Variants in DAPK1 observed in about 807,000 individuals in gnomAD.
DAPK1 encodes death associated protein kinase 1, also known as death-associated protein kinase 1.
DAPK1 carries 56 observed loss-of-function variants against 144.9 expected under a neutral mutation model. That is an observed-to-expected ratio of 0.39 (90% CI 0.31 to 0.48). The LOEUF is 0.48. Among genes scored for constraint, DAPK1 ranks in the 20% least tolerant of loss-of-function variants. The pLI, the probability that DAPK1 is intolerant of heterozygous loss-of-function variation, is 0.95. For synonymous variants in DAPK1, 690 were observed against 749.0 expected (o/e 0.92, Z 1.29); for missense variants, 1,454 against 1,875.4 (o/e 0.78, Z 4.15).
intron 2 of DAPK1, among the ~76,000 whole-genome samples, chr9:87,604,197 G>C (rs1156482894): frequency 1.3e-5 from 2 of 152,092 alleles, no homozygotes; most frequent in African/African-American, 4.8e-5. Context: ...ACACTCAAAA[G>C]AGAAAAGAGT....
At chr9:87,525,266 T>A in intron 2 of DAPK1, 1 of 1,503,360 alleles carries the variant, frequency 6.7e-7, no homozygotes, top group Non-Finnish European at 9.2e-7. Context: ...TGAATAGAGC[T>A]TCTTGCTTTT....
chr9:87,698,734 C>T lies in DAPK1; in HGVS notation c.2690C>T (p.Pro897Leu), dbSNP rs368182132. 14 of 1,601,240 alleles carry T rather than the reference C, an allele frequency of 8.7e-6. No individual in the cohort carries two copies. The Middle Eastern group carries it at 8.2e-4, about 94-fold the overall frequency. The change falls in exon 23 of 26, where the codon CCG (proline) becomes CTG (leucine). Residue 897 changes from proline (P) to leucine (L), a missense_variant. Pro to Leu is a moderately conservative substitution (Grantham distance 98). This residue lies in a region of DAPK1 where 1,025 missense variants were observed against 1,237.9 expected (regional missense o/e 0.83). Transcript: ENST00000408954. ...GCTGACATCATGAATGTTCCTCGACCGGCTGGAGGCGAGTTTGGATATGAC... is the reference window on the plus strand; with the variant it reads ...GCTGACATCATGAATGTTCCTCGACTGGCTGGAGGCGAGTTTGGATATGAC... ...THADIMNVPR[P>L]AGGEFGYDKD...
intron 3 of DAPK1, chr9:87,633,146 T>C (rs1303106815): frequency 4.1e-6 from 4 of 981,762 alleles, no homozygotes; most frequent in Non-Finnish European, 4.8e-6. Context: ...CATGTAGGGA[T>C]GAAGGAGGAT....
intron 3 of DAPK1, among the ~76,000 whole-genome samples, chr9:87,634,244 G>A (rs994136576): frequency 5.3e-5 from 8 of 152,234 alleles, no homozygotes; most frequent in Non-Finnish European, 8.8e-5. Flanking sequence ...TGCCCTTGAT[G>A]GAAGTTTGGC....
intron 12 of DAPK1, 141 bp from the exon 13 acceptor site, chr9:87,646,320 C>T (rs1830263978): frequency 4.4e-6 from 3 of 676,156 alleles, no homozygotes; most frequent in Non-Finnish European, 7.6e-6. Flanking sequence ...TACCCTTCCA[C>T]CTGTCTTCTC....
chr9:87,592,280 T>C (rs1250195865), intron 2 of DAPK1, among the ~76,000 whole-genome samples: 1 of 152,234 alleles, frequency 6.6e-6, no homozygotes, highest in Non-Finnish European at 1.5e-5. Context: ...AACCACAGCA[T>C]GGGCTGTAGG....
rs116097282 is a variant in DAPK1, at chr9:87,688,850, A to C, written c.2413+2111A>C. Among the ~76,000 whole-genome samples, 160 of 152,086 alleles carry C rather than the reference A, an allele frequency of 1.1e-3. 1 individual carries two copies. Among genetic ancestry groups the C allele is most frequent in the African/African-American group, 3.6e-3 (149 of 41,488 alleles). On this transcript the variant is annotated intron_variant, in intron 21 of 25. Transcript: ENST00000408954. Reference sequence around the variant, plus strand: ...TGGATCTTAGATTATGCCTTTTTGGATGCATAGTTTGTGAATATTTCCTCC... The same window carrying C: ...TGGATCTTAGATTATGCCTTTTTGGCTGCATAGTTTGTGAATATTTCCTCC...
intron 25 of DAPK1, 105 bp downstream of exon 25, chr9:87,703,322 G>A (rs1825523026): frequency 4.6e-6 from 3 of 653,644 alleles, no homozygotes; most frequent in African/African-American, 3.6e-5. Flanking sequence ...GAAGCAGTGT[G>A]GAAATGGTCC....
intron 19 of DAPK1, among the ~76,000 whole-genome samples, chr9:87,669,449 G>A (rs547942533): frequency 9.2e-5 from 14 of 151,970 alleles, no homozygotes; most frequent in East Asian, 3.9e-4. Context: ...GATGTTTTTC[G>A]ATTTTGCTAT....
At chr9:87,509,349 G>A (rs1169219101) in intron 2 of DAPK1, among the ~76,000 whole-genome samples, 1 of 152,060 alleles carries the variant, frequency 6.6e-6, no homozygotes, top group African/African-American at 2.4e-5. Flanking sequence ...TGAAAGCACA[G>A]CCTGCCAGCA....
intron 20 of DAPK1, among the ~76,000 whole-genome samples, chr9:87,684,512 G>A (rs1217449125): frequency 6.6e-6 from 1 of 152,310 alleles, no homozygotes; most frequent in Non-Finnish European, 1.5e-5. Flanking sequence ...TCTTGAGAAC[G>A]CTGGAGGCCA....
At chr9:87,630,763 G>C (rs911582070) in intron 3 of DAPK1, among the ~76,000 whole-genome samples, 9 of 152,156 alleles carry the variant, frequency 5.9e-5, no homozygotes, top group Non-Finnish European at 1.2e-4. Flanking sequence ...TAAAATACCA[G>C]AGCTGGAAGG....
chr9:87,632,146 G>A, intron 3 of DAPK1: 1 of 737,130 alleles, frequency 1.4e-6, no homozygotes, highest in Non-Finnish European at 1.7e-6. Context: ...AATACCAGAT[G>A]GGTATGTATG....
intron 2 of DAPK1, among the ~76,000 whole-genome samples, chr9:87,570,549 G>C (rs1302506594): frequency 6.6e-6 from 1 of 152,158 alleles, no homozygotes; most frequent in Non-Finnish European, 1.5e-5. Flanking sequence ...CAAAAAGCCA[G>C]TTGTACCTCT....
intron 21 of DAPK1, among the ~76,000 whole-genome samples, chr9:87,691,092 G>C (rs1361103369): frequency 6.6e-6 from 1 of 151,884 alleles, no homozygotes; most frequent in Admixed American, 6.6e-5. Flanking sequence ...GGAATAGATT[G>C]AGGAGAATCA....
At chr9:87,596,107 A>T (rs149829473) in intron 2 of DAPK1, among the ~76,000 whole-genome samples, 1 of 152,170 alleles carries the variant, frequency 6.6e-6, no homozygotes, top group East Asian at 1.9e-4. Context: ...ATTGTGTACC[A>T]CTTGGTGCTG....
At chr9:87,543,472 G>A (rs1263127710) in intron 2 of DAPK1, among the ~76,000 whole-genome samples, 16 of 152,174 alleles carry the variant, frequency 1.1e-4, no homozygotes, top group Admixed American at 1.0e-3. Context: ...TCTCTGAAGA[G>A]GTAGATAGGT....
At chr9:87,564,972 A>G (rs566137088) in intron 2 of DAPK1, among the ~76,000 whole-genome samples, 1 of 152,188 alleles carries the variant, frequency 6.6e-6, no homozygotes, top group East Asian at 1.9e-4. Context: ...TCATTTCTTC[A>G]TTGGTTTTGG....
intron 3 of DAPK1, among the ~76,000 whole-genome samples, chr9:87,636,746 T>C (rs915313818): frequency 6.6e-6 from 1 of 152,228 alleles, no homozygotes; most frequent in Non-Finnish European, 1.5e-5. Flanking sequence ...CTAAGAGAGA[T>C]AATGAATACA....
Sources: allele counts gnomAD v4.1 joint callset (sites outside exome capture counted in the v4.1 genomes callset), GRCh38; gene constraint gnomAD v4.1.1; regional missense constraint gnomAD v4.1.1; transcripts MANE v1.5; gene names NCBI Gene and HGNC (gene_info 2026-07-23, HGNC 2026-07-21).